The following LCA5 variants were observed in gnomAD, a reference collection of about 807,000 sequenced individuals.
LCA5 encodes lebercilin.
Under a neutral mutation model 53.0 loss-of-function variants are expected in LCA5, and 37 were observed. The ratio of observed to expected loss-of-function variants is 0.70; its 90% CI spans 0.54 to 0.92. The LOEUF is 0.92. LCA5 is among the 40% of genes least tolerant of loss of function. The pLI is 0.00. For missense variants in LCA5, 806 were observed against 790.5 expected, an observed-to-expected ratio of 1.02 and a Z score of -0.23; for synonymous variants, 303 against 282.9, an observed-to-expected ratio of 1.07 and a Z score of -0.71.
rs145854631 is a variant in LCA5 at position 79,513,736 on chromosome 6, G to A, written c.196C>T (p.Arg66Trp). The A allele has an allele frequency of 1.1e-4, 173 of 1,613,212 alleles. No homozygotes were observed. The highest frequency in any genetic ancestry group is 1.0e-3 in the East Asian group (45 of 44,868). Residue 66 changes from arginine to tryptophan, a missense_variant, in exon 3 of 8, where the codon CGG becomes TGG. Transcript: ENST00000369846. ...SDGQVHHQAP[R>W]KPSPKGLPNR... ...GGTAGACCCTTAGGGCTTGGTTTCC[G>A]AGGGGCTAAAAAAGAAACAGGAATA...
chr6:79,491,725 A>C lies in LCA5; in HGVS notation c.961T>G (p.Cys321Gly). 6.2e-7 allele frequency: 1 copy of C among 1,612,552 alleles called. No individual in the cohort carries two copies. The highest frequency in any genetic ancestry group is 8.5e-7 in the Non-Finnish European group (1 of 1,178,906). ...CACAGGTCTGCAAAATCACTCTGGC[A>C]TGCAGCTACAGTGAAAATTATTTTT... ...KELALRKNAA[C>G]QSDFADLCTK... Residue 321 changes from cysteine (C) to glycine (G), a missense_variant, in exon 6 of 8, where the codon TGC becomes GGC. Transcript: ENST00000369846.
chr6:79,513,651 C>T lies in LCA5; in HGVS notation c.281G>A (p.Arg94Gln), dbSNP rs34531407. Residue 94 changes from arginine to glutamine, a missense_variant, in exon 3 of 8, where the codon CGG (arginine) becomes CAG (glutamine). Arg to Gln is a conservative substitution (Grantham distance 43). Transcript: ENST00000369846. ...TTTTGTAACAAGATCAGTATCTTTC[C>T]GAAGTGGCTCTCTATTGAGGCTCTG... The part of the protein sequence containing the change: ...RSQSLNREPL[R>Q]KDTDLVTKRI... 109 of 1,613,754 alleles carry T rather than the reference C, an allele frequency of 6.8e-5. 1 individual carries two copies. The highest frequency in any genetic ancestry group is 6.6e-4 in the Middle Eastern group (4 of 6,056).
In LCA5 at chr6:79,518,849, C is replaced by A; in HGVS notation, c.46G>T (p.Ala16Ser). 1.9e-6 allele frequency: 3 copies of A among 1,614,106 alleles called. No individual in the cohort carries two copies. In the South Asian group the frequency reaches 3.3e-5, roughly 18 times the overall value. ...GSPGTDQERK[A>S]GKHHYSYLSD... ...AAGTAAGAATAATGGTGTTTGCCTG[C>A]CTTTCTTTCTTGATCAGTACCTGGA... The change falls in exon 2 of 8, where the codon GCA becomes TCA. Residue 16 changes from alanine to serine, a missense_variant. Transcript: ENST00000369846.
At chr6:79,538,180 T>TA, upstream of LCA5, among the ~76,000 whole-genome samples, 1 of 152,106 alleles carries the variant, frequency 6.6e-6, no homozygotes, top group East Asian at 1.9e-4. Context: ...GTGAGGGCTT[T>TA]AAACTGCTCC....
intron 1 of LCA5, among the ~76,000 whole-genome samples, chr6:79,522,085 T>C (rs953072526): frequency 3.3e-5 from 5 of 152,160 alleles, no homozygotes; most frequent in African/African-American, 1.2e-4. Flanking sequence ...CCATCTCATT[T>C]AATTAAAAAA....
chr6:79,519,021 T>C lies in LCA5; in HGVS notation c.-127A>G, dbSNP rs1766541077. ...ATAATATTCATTTCTGTGCAATCTA[T>C]TTTCTCCACAATGTATTTGTAGACC... On this transcript the variant is annotated 5_prime_UTR_variant, in exon 2 of 8. Coordinates refer to ENST00000369846, the MANE Select transcript of LCA5 (RefSeq NM_001122769.3). 14 of 992,936 alleles carry C rather than the reference T, an allele frequency of 1.4e-5. No individual in the cohort carries two copies. The highest frequency in any genetic ancestry group is 1.6e-6 in the Non-Finnish European group (1 of 626,906). 61.5% of individuals were successfully genotyped at this position (992,936 alleles called of 1,614,324 possible).
At chr6:79,536,452 A>G (rs1767123629) in intron 1 of LCA5, among the ~76,000 whole-genome samples, 1 of 152,246 alleles carries the variant, frequency 6.6e-6, no homozygotes, top group Non-Finnish European at 1.5e-5. Context: ...AAAGGGGTTT[A>G]TATCAGATGA....
intron 3 of LCA5, among the ~76,000 whole-genome samples, chr6:79,500,547 C>T (rs1770110009): frequency 6.6e-6 from 1 of 152,140 alleles, no homozygotes; most frequent in South Asian, 2.1e-4. Context: ...CTTGTGTAAG[C>T]AAGGACCCTG....
upstream of LCA5, among the ~76,000 whole-genome samples, chr6:79,538,039 T>G (rs967128665): frequency 2.9e-5 from 4 of 138,750 alleles, no homozygotes; most frequent in Non-Finnish European, 6.1e-5. Context: ...TTTTTTTTTT[T>G]TTTTTTTTTT....
intron 1 of LCA5, among the ~76,000 whole-genome samples, chr6:79,522,976 G>A (rs1276218204): frequency 6.6e-6 from 1 of 151,572 alleles, no homozygotes; most frequent in Non-Finnish European, 1.5e-5. Flanking sequence ...AATTGTCTGG[G>A]GTTCGCTTCA....
At chr6:79,502,468 T>C (rs887820667) in intron 3 of LCA5, among the ~76,000 whole-genome samples, 2 of 152,176 alleles carry the variant, frequency 1.3e-5, no homozygotes, top group Admixed American at 6.5e-5. Context: ...TTCCTTACCC[T>C]GAGCTTTTGT....
At chr6:79,490,653 A>G (rs1403776967) in intron 6 of LCA5, among the ~76,000 whole-genome samples, 3 of 152,148 alleles carry the variant, frequency 2.0e-5, no homozygotes, top group African/African-American at 7.2e-5. Context: ...GGATACAACT[A>G]ACTTGTCTGA....
Position 79,487,764 on chromosome 6 carries a change from A to T in LCA5, c.1334T>A (p.Met445Lys), listed in dbSNP as rs776762166. The stretch of plus-strand genomic sequence containing the variant: ...TTTATCCATATTCTGAATTGGATAC[A>T]TTCCTAGTTGGTACCTTCCAGTTTC... ...EWETGRYQLG[M>K]YPIQNMDKLQ... is the part of the protein sequence containing the mutation. Residue 445 changes from methionine (M) to lysine (K), a missense_variant, in exon 8 of 8, where the codon ATG (methionine) becomes AAG (lysine). Transcript: ENST00000369846. 1 of 1,613,746 alleles carries T rather than the reference A, an allele frequency of 6.2e-7. No individual in the cohort carries two copies. Among genetic ancestry groups the T allele is most frequent in the Non-Finnish European group, 8.5e-7 (1 of 1,179,796 alleles).
chr6:79,493,548 G>A (rs1217377633), intron 4 of LCA5, 65 bp downstream of exon 4: 19 of 1,413,832 alleles, frequency 1.3e-5, no homozygotes, highest in Non-Finnish European at 1.8e-5. Context: ...AACATTTAGT[G>A]TTTTAAAATA....
chr6:79,501,008 G>T (rs1770123565), intron 3 of LCA5, among the ~76,000 whole-genome samples: 1 of 152,044 alleles, frequency 6.6e-6, no homozygotes, highest in Non-Finnish European at 1.5e-5. Context: ...TAGGACAAAG[G>T]TATCACCATA....
chr6:79,502,573 G>C (rs575910161), intron 3 of LCA5, among the ~76,000 whole-genome samples: 29 of 152,212 alleles, frequency 1.9e-4, no homozygotes, highest in Admixed American at 1.7e-3. Context: ...ATGACATATA[G>C]AGAATTAGCA....
chr6:79,505,790 C>G (rs1049311480), intron 3 of LCA5, among the ~76,000 whole-genome samples: 1 of 152,082 alleles, frequency 6.6e-6, no homozygotes, highest in Non-Finnish European at 1.5e-5. Context: ...TTCCAAGCCA[C>G]TAGAGCAAAA....
chr6:79,529,898 C>G (rs1582656690), intron 1 of LCA5, among the ~76,000 whole-genome samples: 1 of 136,194 alleles, frequency 7.3e-6, no homozygotes, highest in South Asian at 2.3e-4. Context: ...TAGGCGGGAA[C>G]TGAACAATGA....
rs993410536 is a variant in LCA5, at chr6:79,493,754, T to G, written c.721-4A>C. Reference sequence around the variant, plus strand: ...GTTCAAGGTTTTTCGATAGCTCCTATATGTATAAATACATAAAAAGCAGTC... The same window carrying G: ...GTTCAAGGTTTTTCGATAGCTCCTAGATGTATAAATACATAAAAAGCAGTC... On this transcript the variant is annotated splice_region_variant and splice_polypyrimidine_tract_variant and intron_variant, in intron 3 of 7. Transcript: ENST00000369846. 1.9e-6 allele frequency: 3 copies of G among 1,606,136 alleles called. No individual in the cohort carries two copies. The highest frequency in any genetic ancestry group is 2.6e-6 in the Non-Finnish European group (3 of 1,175,324).
Sources: allele counts gnomAD v4.1 joint callset (sites outside exome capture counted in the v4.1 genomes callset), GRCh38; gene constraint gnomAD v4.1.1; transcripts MANE v1.5; gene names NCBI Gene and HGNC (gene_info 2026-07-23, HGNC 2026-07-21).